Variants in NR2E3 observed in about 807,000 individuals in gnomAD.
The protein encoded by NR2E3 is nuclear receptor subfamily 2 group E member 3.
NR2E3 carries 38 observed loss-of-function variants against 37.6 expected under a neutral mutation model. That is an observed-to-expected ratio of 1.01 (90% CI 0.78 to 1.33). NR2E3 has a LOEUF of 1.33. Among genes scored for constraint, NR2E3 ranks in the 40% most tolerant of loss-of-function variants. The pLI is 0.00. For synonymous variants in NR2E3, 235 were observed against 225.1 expected (o/e 1.04, Z -0.39); for missense variants, 562 against 558.7 (o/e 1.01, Z -0.06).
intron 7 of NR2E3, chr15:71,814,944 T>C: frequency 1.0e-6 from 1 of 975,222 alleles, no homozygotes; most frequent in Non-Finnish European, 1.2e-6. Context: ...AAGACATTGT[T>C]AAAAATATAA....
intron 7 of NR2E3, among the ~76,000 whole-genome samples, chr15:71,815,614 A>G (rs529719092): frequency 1.8e-4 from 27 of 152,338 alleles, no homozygotes; most frequent in African/African-American, 6.3e-4. Context: ...ATTGCCTACT[A>G]CAAGGGAATT....
At position 71,813,712 on chromosome 15, in the gene NR2E3, C is replaced by T; in HGVS notation, c.994+77C>T. 6.3e-7 allele frequency: 1 copy of T among 1,595,598 alleles called. No homozygotes were observed. The highest frequency in any genetic ancestry group is 8.5e-7 in the Non-Finnish European group (1 of 1,173,186). On this transcript the variant is annotated intron_variant, in intron 6 of 7. Transcript: ENST00000617575. This position sits in a 1 kb window ranked among gnomAD's most constrained non-coding sequence, Gnocchi z 4.7. ...TGCCTCTCACTCTCCCTCCACTACC[C>T]CCATGTGTGCAGATGTGTGTAGGCC...
chr15:71,813,266 G>C lies in NR2E3; in HGVS notation c.748-123G>C, dbSNP rs909884786. ...TCTGAGCCTCTGGCTGATGTCAGGA[G>C]AGCATTCTCGGGTCCCAGGACAGCA... On this transcript the variant is annotated intron_variant, in intron 5 of 7. Transcript: ENST00000617575. The surrounding 1 kb of genome is among the most constrained non-coding windows in gnomAD (Gnocchi z 4.7). 2 of 1,350,154 alleles carry C rather than the reference G, an allele frequency of 1.5e-6. No homozygotes were observed. The highest frequency in any genetic ancestry group is 1.4e-5 in the African/African-American group (1 of 69,500). 83.6% of individuals were successfully genotyped at this position (1,350,154 alleles called of 1,614,324 possible).
chr15:71,812,266 C>G, intron 4 of NR2E3, 70 bp from the exon 5 acceptor site: 7 of 1,610,180 alleles, frequency 4.3e-6, no homozygotes, highest in Non-Finnish European at 5.9e-6. Flanking sequence ...CTCCCTCCCC[C>G]GGGGCTCCAA....
rs111447721 is a variant in NR2E3, at chr15:71,813,882, G to T, written c.995-130G>T. 1.3e-6 allele frequency: 2 copies of T among 1,524,670 alleles called. No homozygotes were observed. Among genetic ancestry groups the T allele is most frequent in the Non-Finnish European group, 1.8e-6 (2 of 1,140,712 alleles). 94.4% of individuals were successfully genotyped at this position (1,524,670 alleles called of 1,614,324 possible). On this transcript the variant is annotated intron_variant, in intron 6 of 7. Coordinates refer to ENST00000617575, the MANE Select transcript of NR2E3 (RefSeq NM_014249.4). The surrounding 1 kb of genome is among the most constrained non-coding windows in gnomAD (Gnocchi z 4.7). ...GCCGGAGCCCCTGGTGGCTCCTCTG[G>T]GCCTGGCAGAGCCCACCCCACAGGG...
At chr15:71,816,930 C>T (rs1450587891) in intron 7 of NR2E3, among the ~76,000 whole-genome samples, 1 of 151,978 alleles carries the variant, frequency 6.6e-6, no homozygotes, top group South Asian at 2.1e-4. Flanking sequence ...ATGATAAAGT[C>T]GAACCATCTG....
Position 71,811,459 on chromosome 15 carries a change from C to T in NR2E3, c.119-24C>T, listed in dbSNP as rs758065537. The T allele has an allele frequency of 7.1e-6, 11 of 1,549,312 alleles. No individual in the cohort carries two copies. In the East Asian group the frequency reaches 2.4e-4, roughly 34 times the overall value. On this transcript the variant is annotated intron_variant, in intron 1 of 7. Transcript: ENST00000617575. The surrounding 1 kb of genome is among the most constrained non-coding windows in gnomAD (Gnocchi z 5.6). ...TGCCCCGGCCCAGCCCTGCCCTGGC[C>T]CAGCCCTGCCCCCTGCCCCTCAGGC...
At chr15:71,812,220 C>T (rs372602322) in intron 4 of NR2E3, 44 bp downstream of exon 4, 98 of 1,604,088 alleles carry the variant, frequency 6.1e-5, no homozygotes, top group Non-Finnish European at 7.8e-5. Flanking sequence ...CTTGGCTTCC[C>T]GGGTCACAGC....
Position 71,813,861 on chromosome 15 carries a change from G to C in NR2E3, c.995-151G>C. On this transcript the variant is annotated intron_variant, in intron 6 of 7. Transcript: ENST00000617575. This position sits in a 1 kb window ranked among gnomAD's most constrained non-coding sequence, Gnocchi z 4.7. Reference sequence around the variant, plus strand: ...CCTGGGAGACCCTGAGCCCCAGCCGGAGCCCCTGGTGGCTCCTCTGGGCCT... The same window carrying C: ...CCTGGGAGACCCTGAGCCCCAGCCGCAGCCCCTGGTGGCTCCTCTGGGCCT... The C allele has an allele frequency of 6.7e-7, 1 of 1,501,470 alleles. No individual in the cohort carries two copies. Among genetic ancestry groups the C allele is most frequent in the Non-Finnish European group, 8.9e-7 (1 of 1,127,236 alleles). The allele number at this position is 1,501,470 out of a possible 1,614,324, so 93.0% of individuals were successfully genotyped here.
chr15:71,812,271 C>T, intron 4 of NR2E3, 65 bp from the exon 5 acceptor site: 1 of 1,610,980 alleles, frequency 6.2e-7, no homozygotes, highest in Non-Finnish European at 8.5e-7. Context: ...TCCCCCGGGG[C>T]TCCAAGTACT....
Position 71,817,697 on chromosome 15 carries a change from T to C in NR2E3, c.*13T>C, listed in dbSNP as rs1255063230. On this transcript the variant is annotated 3_prime_UTR_variant, in exon 8 of 8. Transcript: ENST00000617575. ...GTTCAAAAACTAGTGGGGGTGGAGG[T>C]GAAATGTTTCCAAGCACTCTGGAAA... The C allele has an allele frequency of 1.3e-6, 2 of 1,584,460 alleles. No homozygotes were observed. The highest frequency in any genetic ancestry group is 3.4e-5 in the Admixed American group (2 of 59,068).
chr15:71,812,604 C>T (rs1237708026), intron 5 of NR2E3, 93 bp downstream of exon 5: 4 of 1,083,552 alleles, frequency 3.7e-6, no homozygotes, highest in Non-Finnish European at 5.2e-6. Context: ...ATCCCCACGC[C>T]AGTATGAATG....
rs1345095622 is a variant in NR2E3, at chr15:71,810,595, G to A, written c.-149G>A. On this transcript the variant is annotated 5_prime_UTR_variant, in exon 1 of 8. Coordinates refer to ENST00000617575, the MANE Select transcript of NR2E3 (RefSeq NM_014249.4). The stretch of plus-strand genomic sequence containing the variant: ...CAGAGCCTGTGCTGTGAGGGGCTTC[G>A]GGACCTTGGGGCAGCTCCTGAGTTC... The A allele has an allele frequency of 1.4e-5, 17 of 1,232,120 alleles. 1 individual carries two copies. The highest frequency in any genetic ancestry group is 1.3e-4 in the South Asian group (8 of 62,992). The allele number at this position is 1,232,120 out of a possible 1,614,324, so 76.3% of individuals were successfully genotyped here.
chr15:71,811,450 T>A lies in NR2E3; in HGVS notation c.119-33T>A. On this transcript the variant is annotated intron_variant, in intron 1 of 7. Coordinates refer to ENST00000617575, the MANE Select transcript of NR2E3 (RefSeq NM_014249.4). The surrounding 1 kb of genome is among the most constrained non-coding windows in gnomAD (Gnocchi z 5.6). ...GTGCAGCCCTGCCCCGGCCCAGCCCTGCCCTGGCCCAGCCCTGCCCCCTGC... is the reference window on the plus strand; with the variant it reads ...GTGCAGCCCTGCCCCGGCCCAGCCCAGCCCTGGCCCAGCCCTGCCCCCTGC... 5 of 1,487,328 alleles carry A rather than the reference T, an allele frequency of 3.4e-6. No individual in the cohort carries two copies. Among genetic ancestry groups the A allele is most frequent in the East Asian group, 2.5e-5 (1 of 39,424 alleles). The allele number at this position is 1,487,328 out of a possible 1,614,324, so 92.1% of individuals were successfully genotyped here.
In NR2E3 at chr15:71,812,227, C is replaced by T. The variant is rs200759758; in HGVS notation, c.571+51C>T. The T allele has an allele frequency of 2.6e-4, 423 of 1,605,916 alleles. 2 individuals are homozygous for T. The highest frequency in any genetic ancestry group is 2.3e-3 in the Middle Eastern group (14 of 6,034). Reference sequence around the variant, plus strand: ...CAGCAGGGCTTGGCTTCCCGGGTCACAGCAGGGCTGCAGCGCCTTGCCTTG... The same window carrying T: ...CAGCAGGGCTTGGCTTCCCGGGTCATAGCAGGGCTGCAGCGCCTTGCCTTG... On this transcript the variant is annotated intron_variant, in intron 4 of 7. Coordinates refer to ENST00000617575, the MANE Select transcript of NR2E3 (RefSeq NM_014249.4).
Position 71,811,423 on chromosome 15 carries a change from G to A in NR2E3, c.119-60G>A. The A allele has an allele frequency of 3.4e-6, 5 of 1,463,702 alleles. No individual in the cohort carries two copies. Among genetic ancestry groups the A allele is most frequent in the Non-Finnish European group, 4.6e-6 (5 of 1,077,930 alleles). The allele number at this position is 1,463,702 out of a possible 1,614,324, so 90.7% of individuals were successfully genotyped here. On this transcript the variant is annotated intron_variant, in intron 1 of 7. Coordinates refer to ENST00000617575, the MANE Select transcript of NR2E3 (RefSeq NM_014249.4). The surrounding 1 kb of genome is among the most constrained non-coding windows in gnomAD (Gnocchi z 5.6). ...AAAGGGACCCGAGGGAAGGAGGGGA[G>A]CGTGCAGCCCTGCCCCGGCCCAGCC...
Position 71,817,737 on chromosome 15 carries a change from C to A in NR2E3, c.*53C>A. The A allele has an allele frequency of 1.3e-6, 2 of 1,517,298 alleles. No homozygotes were observed. Among genetic ancestry groups the A allele is most frequent in the South Asian group, 1.2e-5 (1 of 83,674 alleles). 94.0% of individuals were successfully genotyped at this position (1,517,298 alleles called of 1,614,324 possible). On this transcript the variant is annotated 3_prime_UTR_variant, in exon 8 of 8. Transcript: ENST00000617575. Reference sequence around the variant, plus strand: ...CACTCTGGAAAACAATCTACTGAAACGAAACATTTGCCTACTCTTTGCCCC... The same window carrying A: ...CACTCTGGAAAACAATCTACTGAAAAGAAACATTTGCCTACTCTTTGCCCC...
chr15:71,814,270 C>A, intron 7 of NR2E3, 153 bp downstream of exon 7: 2 of 1,425,496 alleles, frequency 1.4e-6, no homozygotes, highest in Non-Finnish European at 9.2e-7. Flanking sequence ...AGGCACAGTG[C>A]CAGGCCCCGG....
Position 71,811,760 on chromosome 15 carries a change from C to T in NR2E3, c.246-6C>T. 1 of 1,550,206 alleles carries T rather than the reference C, an allele frequency of 6.5e-7. No homozygotes were observed. Among genetic ancestry groups the T allele is most frequent in the Non-Finnish European group, 8.7e-7 (1 of 1,146,184 alleles). On this transcript the variant is annotated splice_region_variant and splice_polypyrimidine_tract_variant and intron_variant, in intron 2 of 7. Transcript: ENST00000617575. The surrounding 1 kb of genome is among the most constrained non-coding windows in gnomAD (Gnocchi z 5.6). ...CTGACCCCTGGGGTCTCCTCTTCAC[C>T]TGCAGGTGCCAGGTGGGGGCAGGGA...
Sources: gnomAD v4.1 joint callset for allele counts (sites outside exome capture counted in the v4.1 genomes callset) on GRCh38, gnomAD v4.1.1 for gene constraint, Gnocchi (gnomAD v3.1) non-coding constraint, MANE v1.5 for transcripts, NCBI Gene and HGNC (gene_info 2026-07-23, HGNC 2026-07-21) for gene names.